CNTN3: variants seen among roughly 807,000 people sequenced by gnomAD.
CNTN3 encodes contactin-3.
CNTN3 carries 60 observed loss-of-function variants against 119.1 expected under a neutral mutation model. The ratio of observed to expected loss-of-function variants is 0.50; its 90% CI spans 0.41 to 0.62. CNTN3 has a LOEUF of 0.62. Ranked by LOEUF, CNTN3 falls within the 20% of genes least tolerant of loss-of-function variation. The probability of loss-of-function intolerance (pLI) is 0.00; values close to 1 mark genes in which losing one functional copy is unlikely to be tolerated. For synonymous variants in CNTN3, 450 were observed against 438.7 expected (o/e 1.03, Z -0.32); for missense variants, 1,101 against 1,242.4 (o/e 0.89, Z 1.71).
chr3:74,341,747 C>T (rs1703553567), intron 11 of CNTN3, among the ~76,000 whole-genome samples: 1 of 152,086 alleles, frequency 6.6e-6, no homozygotes, highest in Admixed American at 6.5e-5. Flanking sequence ...GTTGTCTAGA[C>T]AACATTGACC....
intron 1 of CNTN3, among the ~76,000 whole-genome samples, chr3:74,537,474 AT>A (rs1263042817): frequency 6.6e-6 from 1 of 152,156 alleles, no homozygotes; most frequent in Admixed American, 6.5e-5. Flanking sequence ...TTGTCAATGC[AT>A]TTGGGAACCA....
At position 74,285,509 on chromosome 3, in the gene CNTN3, C is replaced by T; in HGVS notation, c.2518-18G>A. Reference sequence around the variant, plus strand: ...TACCGCACCTGGTGGGCGGAAGACACCAAACATGTGAAGGCTTAAAAAATT... The same window carrying T: ...TACCGCACCTGGTGGGCGGAAGACATCAAACATGTGAAGGCTTAAAAAATT... On this transcript the variant is annotated intron_variant, in intron 19 of 22. Coordinates refer to ENST00000263665, the MANE Select transcript of CNTN3 (RefSeq NM_020872.3). 1 of 1,588,658 alleles carries T rather than the reference C, an allele frequency of 6.3e-7. No homozygotes were observed. Among genetic ancestry groups the T allele is most frequent in the Non-Finnish European group, 8.6e-7 (1 of 1,169,426 alleles).
At chr3:74,544,989 C>T (rs1239276901) in intron 1 of CNTN3, among the ~76,000 whole-genome samples, 1 of 152,168 alleles carries the variant, frequency 6.6e-6, no homozygotes, top group Non-Finnish European at 1.5e-5. Flanking sequence ...CAAAACATTA[C>T]ATCATTCCAA....
intron 1 of CNTN3, among the ~76,000 whole-genome samples, chr3:74,598,061 T>A (rs1438851048): frequency 1.3e-5 from 2 of 152,032 alleles, no homozygotes; most frequent in East Asian, 3.9e-4. Flanking sequence ...ATGGTTTACA[T>A]CATGCTGCTC....
intron 22 of CNTN3, among the ~76,000 whole-genome samples, chr3:74,265,564 G>A (rs1188508957): frequency 6.6e-6 from 1 of 152,164 alleles, no homozygotes; most frequent in Non-Finnish European, 1.5e-5. Context: ...TCTGCAATAA[G>A]TAGTTCCTGT....
rs1347550681 is a variant in CNTN3 at position 74,452,870 on chromosome 3, T to C, written c.359-27930A>G. Among the ~76,000 whole-genome samples the C allele has an allele frequency of 3.9e-5, 6 of 152,014 alleles. No homozygotes were observed. In the South Asian group the frequency reaches 1.0e-3, roughly 26 times the overall value. On this transcript the variant is annotated intron_variant, in intron 4 of 22. Coordinates refer to ENST00000263665, the MANE Select transcript of CNTN3 (RefSeq NM_020872.3). ...CTTGCATCCCAGGGATGAAGCCCAC[T>C]TGATCATGGTGGATAAGCTTTTTGA...
intron 1 of CNTN3, among the ~76,000 whole-genome samples, chr3:74,574,284 A>C (rs761294529): frequency 6.6e-6 from 1 of 152,186 alleles, no homozygotes; most frequent in African/African-American, 2.4e-5. Flanking sequence ...AGAAGAAGGC[A>C]GGGGGAGAAG....
At chr3:74,599,487 G>A (rs1575859254) in intron 1 of CNTN3, among the ~76,000 whole-genome samples, 2 of 152,158 alleles carry the variant, frequency 1.3e-5, no homozygotes, top group South Asian at 2.1e-4. Flanking sequence ...GGATAGTTTG[G>A]AGATGAAACT....
chr3:74,405,427 A>G (rs1705300995), intron 5 of CNTN3, among the ~76,000 whole-genome samples: 1 of 152,018 alleles, frequency 6.6e-6, no homozygotes, highest in South Asian at 2.1e-4. Flanking sequence ...TTTCAGTGCT[A>G]TATTTATTTT....
At chr3:74,416,245 A>C (rs887195428) in intron 5 of CNTN3, among the ~76,000 whole-genome samples, 1 of 152,132 alleles carries the variant, frequency 6.6e-6, no homozygotes, top group African/African-American at 2.4e-5. Context: ...AAATTTTTAC[A>C]TTTTTCCATA....
intron 13 of CNTN3, among the ~76,000 whole-genome samples, chr3:74,317,105 T>G (rs113805743): frequency 0.065 from 9,739 of 150,146 alleles, 923 homozygotes; most frequent in African/African-American, 0.21. Context: ...CTTCTTTGTC[T>G]CTTTTGATCT....
intron 4 of CNTN3, among the ~76,000 whole-genome samples, chr3:74,483,524 G>T (rs565681421): frequency 6.6e-5 from 10 of 152,088 alleles, no homozygotes; most frequent in Non-Finnish European, 1.5e-4. Flanking sequence ...AGAGCAACCT[G>T]GGGGGATAAG....
At chr3:74,546,222 C>G (rs1703913580) in intron 1 of CNTN3, among the ~76,000 whole-genome samples, 1 of 152,148 alleles carries the variant, frequency 6.6e-6, no homozygotes, top group African/African-American at 2.4e-5. Flanking sequence ...GTCTCGATCT[C>G]TTGACCTCAT....
chr3:74,428,951 G>A (rs1265672476), intron 4 of CNTN3, among the ~76,000 whole-genome samples: 3 of 152,136 alleles, frequency 2.0e-5, no homozygotes, highest in African/African-American at 7.2e-5. Context: ...GTGATCTGCT[G>A]TACAGGTTTA....
intron 1 of CNTN3, among the ~76,000 whole-genome samples, chr3:74,570,571 G>A (rs974673165): frequency 6.6e-6 from 1 of 151,896 alleles, no homozygotes; most frequent in African/African-American, 2.4e-5. Flanking sequence ...ATCCTACCTG[G>A]GATGACTGGC....
chr3:74,343,560 T>C (rs998166238), intron 11 of CNTN3, among the ~76,000 whole-genome samples: 6 of 152,238 alleles, frequency 3.9e-5, no homozygotes, highest in African/African-American at 1.4e-4. Flanking sequence ...ATGTAGAGGA[T>C]GCTGAATATT....
chr3:74,517,831 C>A (rs1401284073), intron 2 of CNTN3, among the ~76,000 whole-genome samples: 1 of 151,904 alleles, frequency 6.6e-6, no homozygotes. Flanking sequence ...TGTCACCAGG[C>A]AAACACCTCC....
chr3:74,397,347 A>C (rs1243665162), intron 5 of CNTN3, among the ~76,000 whole-genome samples: 1 of 152,178 alleles, frequency 6.6e-6, no homozygotes, highest in African/African-American at 2.4e-5. Flanking sequence ...CTCTGATGAC[A>C]TACAAAGAGA....
At chr3:74,507,140 CTGG>C (rs1703275972) in intron 2 of CNTN3, among the ~76,000 whole-genome samples, 1 of 152,064 alleles carries the variant, frequency 6.6e-6, no homozygotes, top group Non-Finnish European at 1.5e-5. Flanking sequence ...AATACTAGGC[CTGG>C]TGTGCTGGCT....
Sources: allele counts gnomAD v4.1 joint callset (sites outside exome capture counted in the v4.1 genomes callset), GRCh38; gene constraint gnomAD v4.1.1; transcripts MANE v1.5; gene names NCBI Gene and HGNC (gene_info 2026-07-23, HGNC 2026-07-21).